SCMH1: variants seen among roughly 807,000 people sequenced by gnomAD.
The protein encoded by SCMH1 is polycomb protein SCMH1.
In SCMH1, 37 loss-of-function variants were observed where a neutral mutation model predicts 70.8. The observed-to-expected ratio is 0.52, with a 90% CI of 0.40 to 0.69. The LOEUF is 0.69. Among genes scored for constraint, SCMH1 ranks in the 30% least tolerant of loss-of-function variants. The pLI, the probability that SCMH1 is intolerant of heterozygous loss-of-function variation, is 0.00. For synonymous variants in SCMH1, 292 were observed against 307.4 expected, an observed-to-expected ratio of 0.95 and a Z score of 0.52; for missense variants, 607 against 827.3, an observed-to-expected ratio of 0.73 and a Z score of 3.27.
intron 13 of SCMH1, among the ~76,000 whole-genome samples, chr1:41,029,506 GT>G (rs942844703): frequency 2.6e-5 from 4 of 152,278 alleles, no homozygotes; most frequent in Admixed American, 2.6e-4. Context: ...AGCCACAAAA[GT>G]TTTTGCTTTG....
chr1:41,220,424 C>T (rs576385554), intron 1 of SCMH1, among the ~76,000 whole-genome samples: 113 of 152,284 alleles, frequency 7.4e-4, no homozygotes, highest in African/African-American at 2.5e-3. Context: ...CATTTTACAG[C>T]CAACATATTT....
At position 41,067,442 on chromosome 1, in the gene SCMH1, T is replaced by TCAA. The variant is rs1447911932; in HGVS notation, c.1105+3150_1105+3152dup. 6.0e-3 allele frequency among the ~76,000 whole-genome samples: 584 copies of TCAA among 97,310 alleles called. 174 individuals are homozygous for TCAA. The highest frequency in any genetic ancestry group is 0.022 in the Middle Eastern group (4 of 182). The allele number at this position is 97,310 out of a possible 152,430, so 63.8% of individuals were successfully genotyped here. A position where few individuals can be genotyped will look rare whatever the true frequency, so the allele number is the denominator to read the frequency against. Reference sequence around the variant, plus strand: ...CTGGGCGACAGAGCAAGACTCCATCTCAACAACAACAACAACAAAAAAAAA... The same window carrying TCAA: ...CTGGGCGACAGAGCAAGACTCCATCTCAACAACAACAACAACAACAAAAAAAAA... On this transcript the variant is annotated intron_variant, in intron 10 of 14. Coordinates refer to ENST00000337495, the Ensembl canonical transcript of SCMH1.
chr1:41,080,778 T>C (rs1428571228), intron 8 of SCMH1, among the ~76,000 whole-genome samples: 1 of 152,110 alleles, frequency 6.6e-6, no homozygotes, highest in African/African-American at 2.4e-5. Context: ...TTAGTCTAGA[T>C]AAACGCATCT....
intron 6 of SCMH1, among the ~76,000 whole-genome samples, chr1:41,140,135 G>A (rs1275327233): frequency 6.6e-6 from 1 of 152,084 alleles, no homozygotes; most frequent in Non-Finnish European, 1.5e-5. Flanking sequence ...GAGTGATACG[G>A]AATAAAGCAA....
At chr1:41,225,534 C>A (rs1311399887) in intron 1 of SCMH1, among the ~76,000 whole-genome samples, 2 of 152,132 alleles carry the variant, frequency 1.3e-5, no homozygotes, top group Non-Finnish European at 2.9e-5. Flanking sequence ...TAACGATTAA[C>A]AGAATGTAGT....
chr1:41,100,970 T>A (rs1023208886), intron 8 of SCMH1, among the ~76,000 whole-genome samples: 6 of 150,742 alleles, frequency 4.0e-5, no homozygotes, highest in Admixed American at 3.3e-4. Flanking sequence ...TAAACTTAAA[T>A]GGATCAAGAA....
At chr1:41,028,345 G>A in intron 14 of SCMH1, 26 bp from the exon 16 acceptor site, 6 of 1,612,530 alleles carry the variant, frequency 3.7e-6, no homozygotes, top group Non-Finnish European at 5.1e-6. Context: ...GTGGGCAGAA[G>A]TGGAAGGGAG....
At chr1:41,034,885 CT>C (rs34186952) in intron 13 of SCMH1, among the ~76,000 whole-genome samples, 1 of 152,180 alleles carries the variant, frequency 6.6e-6, no homozygotes, top group Non-Finnish European at 1.5e-5. Context: ...TAAATGAAGA[CT>C]TTTTGTTACT....
At chr1:41,136,721 C>A (rs1045846142) in intron 6 of SCMH1, among the ~76,000 whole-genome samples, 8 of 150,072 alleles carry the variant, frequency 5.3e-5, no homozygotes, top group Non-Finnish European at 1.0e-4. Context: ...CTTTACTATG[C>A]TAACTAGTGG....
intron 6 of SCMH1, among the ~76,000 whole-genome samples, chr1:41,132,027 T>C (rs186115420): frequency 1.4e-4 from 22 of 152,334 alleles, no homozygotes; most frequent in Middle Eastern, 3.4e-3. Context: ...TGTGTCTTTA[T>C]AGTAGCATGA....
intron 1 of SCMH1, among the ~76,000 whole-genome samples, chr1:41,191,334 A>G (rs1651669819): frequency 6.6e-6 from 1 of 152,254 alleles, no homozygotes; most frequent in African/African-American, 2.4e-5. Context: ...TACTACTGAC[A>G]AGTTAAGTGT....
intron 1 of SCMH1, among the ~76,000 whole-genome samples, chr1:41,187,418 T>C (rs1356629609): frequency 1.4e-5 from 2 of 146,118 alleles, no homozygotes; most frequent in Admixed American, 6.9e-5. Flanking sequence ...GCTGAGATCA[T>C]GCCACTGCAC....
intron 7 of SCMH1, among the ~76,000 whole-genome samples, chr1:41,115,669 G>C (rs1190203078): frequency 6.6e-6 from 1 of 152,146 alleles, no homozygotes; most frequent in Admixed American, 6.5e-5. Context: ...CAAATTCCTG[G>C]ACTCAGTGCT....
At chr1:41,060,098 T>G (rs6669542) in intron 10 of SCMH1, among the ~76,000 whole-genome samples, 128,839 of 151,532 alleles carry the variant, frequency 0.85, 55,180 homozygotes, top group East Asian at 0.96. Flanking sequence ...AGAAGGAAAA[T>G]AAAAAGAGAA....
At chr1:41,167,959 T>G (rs530773103) in intron 2 of SCMH1, among the ~76,000 whole-genome samples, 10 of 146,572 alleles carry the variant, frequency 6.8e-5, no homozygotes, top group Non-Finnish European at 1.2e-4. Flanking sequence ...ATCATCCTAC[T>G]CTCTTCTGAT....
At chr1:41,106,298 G>C (rs1244165509) in intron 8 of SCMH1, among the ~76,000 whole-genome samples, 2 of 151,622 alleles carry the variant, frequency 1.3e-5, no homozygotes, top group African/African-American at 2.4e-5. Context: ...ATTCCTCAGG[G>C]TGTGGTTCTG....
intron 9 of SCMH1, among the ~76,000 whole-genome samples, chr1:41,074,857 G>A (rs1413051770): frequency 6.6e-6 from 1 of 152,170 alleles, no homozygotes; most frequent in East Asian, 1.9e-4. Flanking sequence ...ATGAATGACC[G>A]CCCCCAACCC....
intron 1 of SCMH1, among the ~76,000 whole-genome samples, chr1:41,222,707 G>A (rs1480976053): frequency 6.6e-6 from 1 of 152,120 alleles, no homozygotes; most frequent in East Asian, 1.9e-4. Context: ...TGGGTTTGGA[G>A]GCAGATTTTC....
chr1:41,085,170 AAAAG>A (rs1222885902), intron 8 of SCMH1, among the ~76,000 whole-genome samples: 1 of 151,712 alleles, frequency 6.6e-6, no homozygotes, highest in Non-Finnish European at 1.5e-5. Context: ...AAAAAGCAAA[AAAAG>A]AAAAAGAGTT....
Sources: gnomAD v4.1 joint callset for allele counts (sites outside exome capture counted in the v4.1 genomes callset) on GRCh38, gnomAD v4.1.1 for gene constraint, MANE v1.5 for transcripts, NCBI Gene and HGNC (gene_info 2026-07-23, HGNC 2026-07-21) for gene names.